Variants in COL4A3 observed in about 807,000 individuals in gnomAD.
COL4A3 encodes collagen type IV alpha 3 chain, also known as collagen alpha-3(IV) chain.
A neutral mutation model predicts 217.4 loss-of-function variants in COL4A3; 135 were observed. The ratio of observed to expected loss-of-function variants is 0.62; its 90% CI spans 0.54 to 0.72. The LOEUF is 0.72. Among genes scored for constraint, COL4A3 ranks in the 30% least tolerant of loss-of-function variants. The pLI is 0.00. For synonymous variants in COL4A3, 690 were observed against 736.3 expected, an observed-to-expected ratio of 0.94 and a Z score of 1.02; for missense variants, 1,868 against 2,119.9, an observed-to-expected ratio of 0.88 and a Z score of 2.33.
intron 33 of COL4A3, 140 bp from the exon 34 acceptor site, chr2:227,284,071 G>C (rs1427262475): frequency 6.6e-6 from 8 of 1,211,066 alleles, no homozygotes; most frequent in Non-Finnish European, 9.4e-6. Flanking sequence ...CCTGCCTGGG[G>C]AAACTATTTA....
chr2:227,295,741 C>T (rs1382701395), intron 41 of COL4A3, among the ~76,000 whole-genome samples: 1 of 152,148 alleles, frequency 6.6e-6, no homozygotes, highest in East Asian at 1.9e-4. Context: ...ACCCCCAGAT[C>T]CAGCTTGCGG....
At chr2:227,267,319 C>T (rs769002218) in intron 23 of COL4A3, among the ~76,000 whole-genome samples, 1 of 152,162 alleles carries the variant, frequency 6.6e-6, no homozygotes, top group African/African-American at 2.4e-5. Context: ...TTGTGTTAGG[C>T]AGGAATTGTG....
At chr2:227,251,793 G>T (rs2069756210) in intron 11 of COL4A3, among the ~76,000 whole-genome samples, 1 of 152,104 alleles carries the variant, frequency 6.6e-6, no homozygotes, top group Non-Finnish European at 1.5e-5. Flanking sequence ...ACCAGCCCAG[G>T]CGCATTGGTT....
chr2:227,252,653 G>T (rs75520000), intron 11 of COL4A3, among the ~76,000 whole-genome samples: 2,075 of 151,818 alleles, frequency 0.014, 43 homozygotes, highest in African/African-American at 0.047. Context: ...GAGATGGATA[G>T]GTTCTGGTTA....
At chr2:227,295,996 G>A (rs541575146) in intron 41 of COL4A3, among the ~76,000 whole-genome samples, 34 of 152,248 alleles carry the variant, frequency 2.2e-4, no homozygotes, top group Admixed American at 2.0e-4. Flanking sequence ...TCAGCCACGC[G>A]TCCTATGAAT....
chr2:227,254,815 C>T (rs1284662723), intron 15 of COL4A3, 100 bp downstream of exon 15: 7 of 852,926 alleles, frequency 8.2e-6, no homozygotes, highest in Non-Finnish European at 1.4e-5. Flanking sequence ...CTAGCTCAAG[C>T]TAAAAATTTC....
At chr2:227,246,860 A>G (rs377283536) in intron 7 of COL4A3, 122 bp downstream of exon 7, 20 of 828,944 alleles carry the variant, frequency 2.4e-5, no homozygotes, top group African/African-American at 1.5e-4. Flanking sequence ...GCCATAGTAG[A>G]CATTCAACTA....
intron 1 of COL4A3, among the ~76,000 whole-genome samples, chr2:227,206,214 C>A (rs967180998): frequency 1.3e-5 from 2 of 152,116 alleles, no homozygotes; most frequent in Non-Finnish European, 2.9e-5. Context: ...GCTGGGATTA[C>A]AGGCACCCGC....
intron 1 of COL4A3, among the ~76,000 whole-genome samples, chr2:227,193,785 GAA>G (rs1181250473): frequency 6.7e-5 from 3 of 44,936 alleles, no homozygotes; most frequent in Non-Finnish European, 1.3e-4. Context: ...AGGAAGGAAG[GAA>G]GGAAGGAAGG....
At chr2:227,299,285 C>A (rs1445175488) in intron 43 of COL4A3, among the ~76,000 whole-genome samples, 1 of 152,228 alleles carries the variant, frequency 6.6e-6, no homozygotes, top group African/African-American at 2.4e-5. Context: ...GTCCCAGCTA[C>A]TCAGGAGGCT....
chr2:227,252,234 G>C (rs1358029676), intron 11 of COL4A3, among the ~76,000 whole-genome samples: 3 of 101,176 alleles, frequency 3.0e-5, no homozygotes, highest in Non-Finnish European at 5.6e-5. Context: ...TTTTTTTTGA[G>C]ATGGAGTCTC....
chr2:227,285,891 A>T (rs2072291781), intron 34 of COL4A3, among the ~76,000 whole-genome samples: 1 of 152,166 alleles, frequency 6.6e-6, no homozygotes, highest in African/African-American at 2.4e-5. Context: ...ACAAAAAAAT[A>T]ACCTGTATCT....
chr2:227,289,333 G>T (rs1685136557), intron 35 of COL4A3, 85 bp downstream of exon 35: 5 of 1,103,274 alleles, frequency 4.5e-6, no homozygotes, highest in Non-Finnish European at 6.8e-6. Context: ...AGGCTTACTG[G>T]GTTTAAATAT....
At chr2:227,272,843 A>G in intron 25 of COL4A3, 106 bp from the exon 26 acceptor site, 3 of 1,197,554 alleles carry the variant, frequency 2.5e-6, no homozygotes, top group Non-Finnish European at 3.7e-6. Context: ...TTTTAATTCA[A>G]GATCTCAATG....
At chr2:227,217,376 C>T (rs148929867) in intron 1 of COL4A3, among the ~76,000 whole-genome samples, 1 of 152,332 alleles carries the variant, frequency 6.6e-6, no homozygotes, top group Non-Finnish European at 1.5e-5. Context: ...TGGACTTGTA[C>T]CACCTTGCTC....
chr2:227,219,228 C>T (rs2067659605), intron 1 of COL4A3, among the ~76,000 whole-genome samples: 1 of 151,990 alleles, frequency 6.6e-6, no homozygotes, highest in Non-Finnish European at 1.5e-5. Flanking sequence ...CTTGAACTCC[C>T]AAACTCAGGT....
At chr2:227,311,565 A>C (rs2073742064) in intron 51 of COL4A3, among the ~76,000 whole-genome samples, 1 of 151,964 alleles carries the variant, frequency 6.6e-6, no homozygotes, top group Admixed American at 6.6e-5. Context: ...TTTTTAGTAG[A>C]GATTGGGTTT....
chr2:227,257,760 C>A, intron 18 of COL4A3, 116 bp downstream of exon 18: 1 of 974,968 alleles, frequency 1.0e-6, no homozygotes, highest in Non-Finnish European at 1.6e-6. Context: ...TAACATTTAC[C>A]TTGTTGTCAA....
chr2:227,307,940 G>A (rs989232374), intron 48 of COL4A3, 21 bp downstream of exon 48: 5 of 1,605,672 alleles, frequency 3.1e-6, no homozygotes, highest in Middle Eastern at 1.8e-4. Context: ...AGTCCCAGTT[G>A]CCAGTTGTGC....
Sources: gnomAD v4.1 joint callset for allele counts (sites outside exome capture counted in the v4.1 genomes callset) on GRCh38, gnomAD v4.1.1 for gene constraint, MANE v1.5 for transcripts, NCBI Gene and HGNC (gene_info 2026-07-23, HGNC 2026-07-21) for gene names.